The following FBXW8 variants were observed in gnomAD, a reference collection of about 807,000 sequenced individuals.
The protein encoded by FBXW8 is F-box/WD repeat-containing protein 8.
Under a neutral mutation model 65.3 loss-of-function variants are expected in FBXW8, and 57 were observed. The observed-to-expected ratio is 0.87, with a 90% confidence interval of 0.71 to 1.09. FBXW8 has a LOEUF of 1.09. Ranked by LOEUF, FBXW8 falls within the 50% of genes least tolerant of loss-of-function variation. The probability of loss-of-function intolerance (pLI) is 0.00; values close to 1 mark genes in which losing one functional copy is unlikely to be tolerated. For missense variants in FBXW8, 777 were observed against 814.8 expected, an observed-to-expected ratio of 0.95 and a Z score of 0.57; for synonymous variants, 308 against 330.2, an observed-to-expected ratio of 0.93 and a Z score of 0.73.
intron 4 of FBXW8, among the ~76,000 whole-genome samples, chr12:116,954,385 C>T (rs773709630): frequency 1.3e-5 from 2 of 151,990 alleles, no homozygotes; most frequent in Non-Finnish European, 2.9e-5. Context: ...CTTTCTTTGA[C>T]TTGTTGCAAA....
At chr12:117,009,902 C>T (rs1565939951) in intron 7 of FBXW8, among the ~76,000 whole-genome samples, 2 of 152,162 alleles carry the variant, frequency 1.3e-5, no homozygotes, top group Non-Finnish European at 2.9e-5. Flanking sequence ...CCGCCTGTGA[C>T]GTAAATTCAG....
intron 7 of FBXW8, among the ~76,000 whole-genome samples, chr12:117,003,462 T>C (rs1179777425): frequency 6.8e-6 from 1 of 146,588 alleles, no homozygotes; most frequent in Non-Finnish European, 1.5e-5. Context: ...GATTATTCTA[T>C]GTATTTAACC....
At chr12:116,952,025 A>G (rs1473412018) in intron 4 of FBXW8, among the ~76,000 whole-genome samples, 1 of 152,160 alleles carries the variant, frequency 6.6e-6, no homozygotes, top group African/African-American at 2.4e-5. Flanking sequence ...CTGACATTCA[A>G]AGCTCTTTGA....
chr12:117,013,722 CAGT>C (rs1200123257), intron 8 of FBXW8, among the ~76,000 whole-genome samples: 3 of 151,990 alleles, frequency 2.0e-5, no homozygotes, highest in African/African-American at 4.8e-5. Context: ...TTCTTGGAAT[CAGT>C]GGTGTTTTCT....
At chr12:116,959,054 A>G (rs1357245805) in intron 4 of FBXW8, among the ~76,000 whole-genome samples, 1 of 152,176 alleles carries the variant, frequency 6.6e-6, no homozygotes, top group East Asian at 1.9e-4. Flanking sequence ...CTGTTTGTGT[A>G]TGATCCTGTA....
chr12:116,933,190 A>C (rs547024638), intron 2 of FBXW8, among the ~76,000 whole-genome samples: 1 of 152,244 alleles, frequency 6.6e-6, no homozygotes, highest in African/African-American at 2.4e-5. Flanking sequence ...AATGAGGCCA[A>C]TTCCTGGATT....
At chr12:116,927,610 G>A (rs1881429590) in intron 1 of FBXW8, among the ~76,000 whole-genome samples, 1 of 152,172 alleles carries the variant, frequency 6.6e-6, no homozygotes, top group Non-Finnish European at 1.5e-5. Context: ...CCTGGGAAGA[G>A]GGGTGGCCTC....
intron 4 of FBXW8, among the ~76,000 whole-genome samples, chr12:116,962,420 G>A (rs1029642366): frequency 6.6e-6 from 1 of 152,192 alleles, no homozygotes; most frequent in South Asian, 2.1e-4. Flanking sequence ...AGGGAGCTGG[G>A]GGGCTGGAGC....
intron 7 of FBXW8, among the ~76,000 whole-genome samples, chr12:116,992,272 G>C (rs1209580138): frequency 6.6e-6 from 1 of 152,142 alleles, no homozygotes; most frequent in Non-Finnish European, 1.5e-5. Context: ...ATCTTGATTT[G>C]CTTGTTGGGC....
Position 116,911,275 on chromosome 12 carries a change from G to C in FBXW8, c.238G>C (p.Ala80Pro). The C allele has an allele frequency of 7.9e-7, 1 of 1,260,798 alleles. No individual in the cohort carries two copies. The highest frequency in any genetic ancestry group is 9.9e-7 in the Non-Finnish European group (1 of 1,005,892). 78.1% of individuals were successfully genotyped at this position (1,260,798 alleles called of 1,614,324 possible). ...GACTCGGGCCGAGGGGCAGGACGTA[G>C]CGAGCCGCTCACGTTCTCCTCTGGC... ...RATRAEGQDV[A>P]SRSRSPLARE... is the part of the protein sequence containing the mutation. The change falls in exon 1 of 11, where the codon GCG (alanine) becomes CCG (proline). Residue 80 changes from alanine (A) to proline (P), a missense_variant. By Grantham distance (27) the Ala-to-Pro change is conservative. Transcript: ENST00000652555.
intron 7 of FBXW8, among the ~76,000 whole-genome samples, chr12:116,995,595 G>A (rs1199277101): frequency 2.6e-5 from 4 of 152,166 alleles, no homozygotes; most frequent in Admixed American, 6.5e-5. Flanking sequence ...TGCCTTGTAA[G>A]CTGTATGTAG....
intron 9 of FBXW8, among the ~76,000 whole-genome samples, chr12:117,027,095 G>A (rs556720642): frequency 1.3e-5 from 2 of 152,326 alleles, no homozygotes; most frequent in South Asian, 2.1e-4. Context: ...TGGCTGATTC[G>A]TCTGCAGTAG....
At chr12:116,959,240 G>A (rs1883837284) in intron 4 of FBXW8, among the ~76,000 whole-genome samples, 1 of 152,214 alleles carries the variant, frequency 6.6e-6, no homozygotes, top group Admixed American at 6.5e-5. Flanking sequence ...ATGGGTTAGG[G>A]TCAGGGGCTG....
At chr12:117,011,610 T>A (rs1161469776) in intron 8 of FBXW8, among the ~76,000 whole-genome samples, 2 of 152,162 alleles carry the variant, frequency 1.3e-5, no homozygotes, top group African/African-American at 4.8e-5. Context: ...GTTTGTAGTT[T>A]TAATCCCGCA....
At position 116,936,770 on chromosome 12, in the gene FBXW8, A is replaced by T. The variant is rs961993962; in HGVS notation, c.424-8594A>T. 1.3e-5 allele frequency among the ~76,000 whole-genome samples: 2 copies of T among 152,210 alleles called. No individual in the cohort carries two copies. The highest frequency in any genetic ancestry group is 1.5e-5 in the Non-Finnish European group (1 of 68,042). ...TTGTTAGCGCAGCCATAGGAGACTG[A>T]TACGGGGATGTGGTGAGCAGAAGGA... On this transcript the variant is annotated intron_variant, in intron 2 of 10. Coordinates refer to ENST00000652555, the MANE Select transcript of FBXW8 (RefSeq NM_153348.3). This position sits in a 1 kb window ranked among gnomAD's most constrained non-coding sequence, Gnocchi z 4.6.
chr12:116,961,585 G>A lies in FBXW8; in HGVS notation c.678-3112G>A, dbSNP rs1344442637. Among the ~76,000 whole-genome samples the A allele has an allele frequency of 6.6e-6, 1 of 152,102 alleles. No individual in the cohort carries two copies. Among genetic ancestry groups the A allele is most frequent in the Non-Finnish European group, 1.5e-5 (1 of 68,034 alleles). The stretch of plus-strand genomic sequence containing the variant: ...TGTTAAGATGTAAGACTTTATAGAG[G>A]GTTCTCTGGGTATATGGCAAGCGCT... On this transcript the variant is annotated intron_variant, in intron 4 of 10. Coordinates refer to ENST00000652555, the MANE Select transcript of FBXW8 (RefSeq NM_153348.3). The surrounding 1 kb of genome is among the most constrained non-coding windows in gnomAD (Gnocchi z 4.4).
At chr12:116,938,120 TTAAC>T (rs1351296392) in intron 2 of FBXW8, among the ~76,000 whole-genome samples, 3 of 152,192 alleles carry the variant, frequency 2.0e-5, no homozygotes, top group Non-Finnish European at 2.9e-5. Flanking sequence ...TTGTGAAAGT[TTAAC>T]TAGGTCTTTT....
At chr12:116,981,017 GT>G (rs1885270024) in intron 5 of FBXW8, among the ~76,000 whole-genome samples, 1 of 152,128 alleles carries the variant, frequency 6.6e-6, no homozygotes, top group Non-Finnish European at 1.5e-5. Context: ...CCCTAGAATA[GT>G]GCCTTGGTAC....
chr12:116,979,777 C>CAAAA (rs60145855), intron 5 of FBXW8, among the ~76,000 whole-genome samples: 2,100 of 74,426 alleles, frequency 0.028, 66 homozygotes, highest in African/African-American at 0.083. Context: ...CAGGGAATGG[C>CAAAA]AAAAAAAAAA....
Sources: allele counts gnomAD v4.1 joint callset (sites outside exome capture counted in the v4.1 genomes callset), GRCh38; gene constraint gnomAD v4.1.1; non-coding constraint Gnocchi (gnomAD v3.1); transcripts MANE v1.5; gene names NCBI Gene and HGNC (gene_info 2026-07-23, HGNC 2026-07-21).